The following UBR3 variants were observed in gnomAD, a reference collection of about 807,000 sequenced individuals.
UBR3 encodes the protein E3 ubiquitin-protein ligase UBR3.
A neutral mutation model predicts 243.2 loss-of-function variants in UBR3; 85 were observed. That is an observed-to-expected ratio of 0.35 (90% confidence interval 0.29 to 0.42). UBR3 has a LOEUF of 0.42. Among genes scored for constraint, UBR3 ranks in the 10% least tolerant of loss-of-function variants. The pLI is 1.00. For synonymous variants in UBR3, 748 were observed against 799.8 expected (o/e 0.94, Z 1.09); for missense variants, 1,686 against 2,300.8 (o/e 0.73, Z 5.47).
chr2:170,012,951 A>G (rs2090128457), intron 29 of UBR3, among the ~76,000 whole-genome samples: 1 of 152,152 alleles, frequency 6.6e-6, no homozygotes, highest in African/African-American at 2.4e-5. Flanking sequence ...TTTAATGTGC[A>G]CATCTAGGTG....
At chr2:170,077,648 C>A (rs991117970) in intron 36 of UBR3, 12 of 407,356 alleles carry the variant, frequency 2.9e-5, no homozygotes, top group Non-Finnish European at 5.3e-5. Context: ...TGCAGTAGAG[C>A]GATCTTGGCT....
chr2:169,913,360 GTTTTTT>G (rs66463048), intron 10 of UBR3, among the ~76,000 whole-genome samples: 7 of 141,212 alleles, frequency 5.0e-5, no homozygotes, highest in African/African-American at 7.9e-5. Flanking sequence ...TTTGTTTTTT[GTTTTTT>G]TTTTTGTTTT....
chr2:169,994,821 C>G (rs1376133343), intron 26 of UBR3, among the ~76,000 whole-genome samples: 1 of 152,114 alleles, frequency 6.6e-6, no homozygotes, highest in Non-Finnish European at 1.5e-5. Context: ...TGTGTTCTCC[C>G]CATGTCTTTA....
chr2:169,874,955 A>G (rs1440606559), intron 2 of UBR3, among the ~76,000 whole-genome samples: 1 of 150,780 alleles, frequency 6.6e-6, no homozygotes, highest in African/African-American at 2.4e-5. Context: ...AAACCTCTCT[A>G]TATTTTTCGT....
intron 25 of UBR3, among the ~76,000 whole-genome samples, chr2:169,988,596 G>C (rs1230107011): frequency 6.6e-6 from 1 of 151,890 alleles, no homozygotes; most frequent in East Asian, 1.9e-4. Flanking sequence ...CTTGAGTCTA[G>C]GAGTTCAAGA....
chr2:169,857,860 G>A (rs949571699), intron 1 of UBR3, among the ~76,000 whole-genome samples: 1 of 152,160 alleles, frequency 6.6e-6, no homozygotes, highest in East Asian at 1.9e-4. Flanking sequence ...TCAGACCTCA[G>A]CCCCTCAAGT....
rs36078695 is a variant in UBR3, at chr2:169,907,036, C to CTT, written c.1779+893_1779+894dup. ...AATCTTACTAGGTTCAAATTTCTTT[C>CTT]TTTTTTTTTTTTTTTTTTTTTTAGA... On this transcript the variant is annotated intron_variant, in intron 10 of 38. Transcript: ENST00000272793. 4.2e-3 allele frequency among the ~76,000 whole-genome samples: 471 copies of CTT among 112,302 alleles called. 8 individuals carry two copies. Among genetic ancestry groups the CTT allele is most frequent in the Middle Eastern group, 0.019 (4 of 210 alleles). 73.7% of individuals were successfully genotyped at this position (112,302 alleles called of 152,430 possible). A position where few individuals can be genotyped will look rare whatever the true frequency, so the allele number is the denominator to read the frequency against.
chr2:169,843,190 T>C (rs1182585733), intron 1 of UBR3, among the ~76,000 whole-genome samples: 2 of 152,236 alleles, frequency 1.3e-5, no homozygotes, highest in Admixed American at 1.3e-4. Context: ...GCTTAGTTCA[T>C]TTTGTGCTGT....
chr2:169,975,729 C>T (rs1160124390), intron 24 of UBR3, among the ~76,000 whole-genome samples: 2 of 152,070 alleles, frequency 1.3e-5, no homozygotes, highest in Non-Finnish European at 2.9e-5. Flanking sequence ...GGGAGGATTA[C>T]ATGAGGCTAG....
chr2:170,040,065 G>T (rs962189660), intron 31 of UBR3, among the ~76,000 whole-genome samples: 12 of 151,780 alleles, frequency 7.9e-5, no homozygotes, highest in Admixed American at 7.2e-4. Context: ...TTCTGCTTTG[G>T]TTATCTCTTT....
chr2:170,021,791 G>A (rs1383817974), intron 30 of UBR3, among the ~76,000 whole-genome samples: 1 of 152,150 alleles, frequency 6.6e-6, no homozygotes, highest in Non-Finnish European at 1.5e-5. Flanking sequence ...TTAAGTTAGA[G>A]GAGTGGCTTT....
rs1306660527 is a variant in UBR3, at chr2:169,928,922, A to G, written c.2566+54A>G. On this transcript the variant is annotated intron_variant, in intron 18 of 38. Coordinates refer to ENST00000272793, the MANE Select transcript of UBR3 (RefSeq NM_172070.4). ...TCAAATATCAGTTCTTGAATGGTGA[A>G]TTCTTCTGTGTATTAAAAGAAAATG... 1.2e-5 allele frequency: 15 copies of G among 1,286,614 alleles called. No individual in the cohort carries two copies. The South Asian group carries it at 3.6e-4, about 31-fold the overall frequency. The allele number at this position is 1,286,614 out of a possible 1,614,324, so 79.7% of individuals were successfully genotyped here. A position where few individuals can be genotyped will look rare whatever the true frequency, so the allele number is the denominator to read the frequency against.
chr2:169,830,711 C>CT (rs2081904758), intron 1 of UBR3, among the ~76,000 whole-genome samples: 1 of 148,972 alleles, frequency 6.7e-6, no homozygotes, highest in South Asian at 2.1e-4. Context: ...TCTTTTTAAA[C>CT]TTTTTTTGTT....
chr2:170,070,822 G>T (rs1336515296), intron 35 of UBR3, among the ~76,000 whole-genome samples: 2 of 152,102 alleles, frequency 1.3e-5, no homozygotes, highest in Admixed American at 6.6e-5. Context: ...TATATTAAAA[G>T]AGTAACATTT....
chr2:170,054,746 T>A (rs1443410962), intron 32 of UBR3, among the ~76,000 whole-genome samples: 1 of 152,170 alleles, frequency 6.6e-6, no homozygotes, highest in Non-Finnish European at 1.5e-5. Flanking sequence ...CTATCCTTAT[T>A]AAGATGTGCA....
intron 1 of UBR3, among the ~76,000 whole-genome samples, chr2:169,868,482 T>G (rs2083330412): frequency 6.6e-6 from 1 of 152,206 alleles, no homozygotes; most frequent in Non-Finnish European, 1.5e-5. Context: ...GGCTAAGTTT[T>G]GTGTTTTTAG....
intron 1 of UBR3, among the ~76,000 whole-genome samples, chr2:169,843,632 T>A (rs372323149): frequency 2.6e-5 from 4 of 152,268 alleles, no homozygotes; most frequent in African/African-American, 9.6e-5. Context: ...CTTGCATTTC[T>A]GGGATAAAAT....
Position 170,083,194 on chromosome 2 carries a change from A to G in UBR3, c.*1351A>G, listed in dbSNP as rs1328870024. ...TCTAATGATAAAATATGTCAGATCC[A>G]TGTTCTAAAAAATTTTTGTAATGAC... is the stretch of plus-strand genomic sequence containing the variant. On this transcript the variant is annotated 3_prime_UTR_variant, in exon 39 of 39. Coordinates refer to ENST00000272793, the MANE Select transcript of UBR3 (RefSeq NM_172070.4). 1 of 140,190 alleles carries G rather than the reference A, an allele frequency of 7.1e-6. No individual in the cohort carries two copies. Among genetic ancestry groups the G allele is most frequent in the Non-Finnish European group, 1.6e-5 (1 of 63,818 alleles). The allele number at this position is 140,190 out of a possible 1,614,324, so 8.7% of individuals were successfully genotyped here.
chr2:170,055,707 C>A, intron 33 of UBR3, 123 bp downstream of exon 33: 2 of 1,213,380 alleles, frequency 1.6e-6, no homozygotes, highest in East Asian at 2.7e-5. Context: ...AAATTGAGCA[C>A]CTACAGGCTA....
Sources: gnomAD v4.1 joint callset for allele counts (sites outside exome capture counted in the v4.1 genomes callset) on GRCh38, gnomAD v4.1.1 for gene constraint, MANE v1.5 for transcripts, NCBI Gene and HGNC (gene_info 2026-07-23, HGNC 2026-07-21) for gene names.